ZNF469: variants seen among roughly 807,000 people sequenced by gnomAD.
The protein encoded by ZNF469 is zinc finger protein 469.
ZNF469 carries 1 observed loss-of-function variant against 1.0 expected under a neutral mutation model. That is an observed-to-expected ratio of 1.00 (90% CI 0.35 to 4.73). The LOEUF (loss-of-function observed/expected upper bound fraction) is 4.73, where lower values mean the gene tolerates loss of function less well. Ranked by LOEUF, ZNF469 falls within the 30% of genes most tolerant of loss-of-function variation. The pLI is 0.16. For missense variants in ZNF469, 6,100 were observed against 5,356.3 expected (o/e 1.14, Z -4.33); for synonymous variants, 2,703 against 2,363.4 (o/e 1.14, Z -4.17).
the ZNF469 span, among the ~76,000 whole-genome samples, chr16:88,328,242 T>G: frequency 2.6e-5 from 4 of 152,222 alleles, no homozygotes; most frequent in Non-Finnish European, 5.9e-5. Context: ...TCTGCACGTG[T>G]ACTGTATTCT....
chr16:88,131,415 G>T, the ZNF469 span, among the ~76,000 whole-genome samples: 4 of 149,360 alleles, frequency 2.7e-5, no homozygotes, highest in East Asian at 7.9e-4. Flanking sequence ...CTGTTTGTTA[G>T]AACCTCTCGG....
rs1567517368 is a variant in ZNF469, at chr16:88,438,338, A to G, written c.10868A>G (p.Lys3623Arg). 6.5e-7 allele frequency: 1 copy of G among 1,550,200 alleles called. No homozygotes were observed. Among genetic ancestry groups the G allele is most frequent in the Non-Finnish European group, 8.7e-7 (1 of 1,146,940 alleles). ...AGGGCTCCTCTCGTGTTCTCAGGGA[A>G]ACGCAGGGCCCCGGGTGCCCGTGGC... ...GKRAPLVFSG[K>R]RRAPGARGRC... The change falls in exon 3 of 3, where the codon AAA becomes AGA. Residue 3623 changes from lysine (K) to arginine (R), a missense_variant. Coordinates refer to ENST00000565624, the MANE Select transcript of ZNF469 (RefSeq NM_001367624.2).
At chr16:88,133,463 G>A in the ZNF469 span, among the ~76,000 whole-genome samples, 1 of 152,120 alleles carries the variant, frequency 6.6e-6, no homozygotes, top group Non-Finnish European at 1.5e-5. Context: ...ACGCCGCCTG[G>A]GGCTCTGAGT....
chr16:88,112,888 C>T, the ZNF469 span, among the ~76,000 whole-genome samples: 5 of 146,710 alleles, frequency 3.4e-5, no homozygotes, highest in Admixed American at 3.6e-4. Flanking sequence ...CGCTATTCTC[C>T]TGCCTCGGCC....
chr16:88,111,718 C>A, the ZNF469 span, among the ~76,000 whole-genome samples: 1,857 of 152,284 alleles, frequency 0.012, 30 homozygotes, highest in African/African-American at 0.042. Flanking sequence ...CTCACTGCAA[C>A]CTCCGACTCC....
At chr16:88,404,019 C>T (rs542915048) in intron 1 of ZNF469, among the ~76,000 whole-genome samples, 6 of 152,344 alleles carry the variant, frequency 3.9e-5, no homozygotes, top group Admixed American at 2.6e-4. Flanking sequence ...GCCTCTGTGC[C>T]GCCAGGGGGC....
At chr16:88,380,993 G>GCACTCACAC (rs1567495781), upstream of ZNF469, among the ~76,000 whole-genome samples, 2 of 44,304 alleles carry the variant, frequency 4.5e-5, no homozygotes, top group African/African-American at 1.1e-4. Flanking sequence ...CACTCACACA[G>GCACTCACAC]ACATGCACTC....
intron 1 of ZNF469, among the ~76,000 whole-genome samples, chr16:88,385,572 G>A (rs1168309172): frequency 6.6e-6 from 1 of 150,740 alleles, no homozygotes; most frequent in Admixed American, 6.6e-5. Context: ...AAACCCAGGA[G>A]TTCAAGGCTG....
the ZNF469 span, among the ~76,000 whole-genome samples, chr16:88,354,908 G>A: frequency 4.3e-4 from 66 of 152,336 alleles, no homozygotes; most frequent in African/African-American, 1.5e-3. Context: ...CTGAGGAGTC[G>A]AGTCGAGTCC....
the ZNF469 span, among the ~76,000 whole-genome samples, chr16:88,345,103 G>T: frequency 2.6e-5 from 4 of 152,220 alleles, no homozygotes; most frequent in African/African-American, 4.8e-5. Flanking sequence ...GCCTGGGATG[G>T]GGGGAGTGGA....
the ZNF469 span, among the ~76,000 whole-genome samples, chr16:88,355,173 C>T: frequency 6.6e-6 from 1 of 151,528 alleles, no homozygotes; most frequent in African/African-American, 2.5e-5. Flanking sequence ...GGCCTCTCAA[C>T]TCTACAACGA....
the ZNF469 span, among the ~76,000 whole-genome samples, chr16:88,315,162 C>G: frequency 6.6e-6 from 1 of 152,216 alleles, no homozygotes; most frequent in Admixed American, 6.5e-5. Flanking sequence ...AGGAAGGTCT[C>G]CCCCGAGGGC....
intron 1 of ZNF469, among the ~76,000 whole-genome samples, chr16:88,417,807 G>T (rs910943192): frequency 6.6e-6 from 1 of 152,228 alleles, no homozygotes; most frequent in Non-Finnish European, 1.5e-5. Flanking sequence ...TAGAAATGAG[G>T]CCCCAAAGCC....
At chr16:88,418,122 T>C (rs1183826396) in intron 1 of ZNF469, among the ~76,000 whole-genome samples, 1 of 151,964 alleles carries the variant, frequency 6.6e-6, no homozygotes, top group Non-Finnish European at 1.5e-5. Context: ...GAGCACCAAC[T>C]CCCTGCCAGG....
the ZNF469 span, among the ~76,000 whole-genome samples, chr16:88,346,881 C>G: frequency 6.6e-6 from 1 of 152,244 alleles, no homozygotes; most frequent in Non-Finnish European, 1.5e-5. Flanking sequence ...CTCCCTCAGA[C>G]TTTCTTCAGA....
the ZNF469 span, among the ~76,000 whole-genome samples, chr16:88,235,781 C>G: frequency 6.6e-6 from 1 of 152,206 alleles, no homozygotes; most frequent in Non-Finnish European, 1.5e-5. Flanking sequence ...AGGAGCGTGA[C>G]CCGTGACACA....
the ZNF469 span, among the ~76,000 whole-genome samples, chr16:88,247,418 A>G: frequency 2.0e-5 from 3 of 146,406 alleles, no homozygotes; most frequent in Non-Finnish European, 4.5e-5. Context: ...GTGAGTGAAT[A>G]AGTGAATGAA....
the ZNF469 span, among the ~76,000 whole-genome samples, chr16:88,251,898 C>G: frequency 6.6e-6 from 1 of 151,586 alleles, no homozygotes; most frequent in Admixed American, 6.6e-5. Flanking sequence ...GATTTTTAAG[C>G]CTGAATCCTG....
At chr16:88,236,465 C>CG in the ZNF469 span, among the ~76,000 whole-genome samples, 1 of 152,226 alleles carries the variant, frequency 6.6e-6, no homozygotes, top group African/African-American at 2.4e-5. Context: ...TATAAAGAGA[C>CG]GTGTCCGACC....
Sources: allele counts gnomAD v4.1 joint callset (sites outside exome capture counted in the v4.1 genomes callset), GRCh38; gene constraint gnomAD v4.1.1; transcripts MANE v1.5; gene names NCBI Gene and HGNC (gene_info 2026-07-23, HGNC 2026-07-21).